Variants in BRSK2 observed in about 807,000 individuals in gnomAD.
BRSK2 encodes serine/threonine-protein kinase BRSK2.
A neutral mutation model predicts 83.3 loss-of-function variants in BRSK2; 19 were observed. The ratio of observed to expected loss-of-function variants is 0.23; its 90% CI spans 0.16 to 0.33. The LOEUF is 0.33. Among genes scored for constraint, BRSK2 ranks in the 10% least tolerant of loss-of-function variants. The pLI is 1.00. For synonymous variants in BRSK2, 519 were observed against 435.4 expected (o/e 1.19, Z -2.39); for missense variants, 798 against 1,042.3 (o/e 0.77, Z 3.23).
intron 12 of BRSK2, among the ~76,000 whole-genome samples, chr11:1,449,240 C>T (rs1845500879): frequency 1.3e-5 from 2 of 152,210 alleles, no homozygotes; most frequent in Non-Finnish European, 2.9e-5. Context: ...TCCCTGCCAG[C>T]AGCTGCCCCA....
intron 12 of BRSK2, 130 bp downstream of exon 12, chr11:1,446,037 ACTGGGCTTAGCTGGG>A (rs1852008066): frequency 2.9e-6 from 3 of 1,034,052 alleles, no homozygotes; most frequent in South Asian, 1.7e-5. Context: ...TATGGGCTAA[ACTGGGCTTAGCTGGG>A]CTGGGCTGGG....
rs968601854 is a variant in BRSK2, at chr11:1,459,045, C to A, written c.1940-147C>A. 9.1e-6 allele frequency: 6 copies of A among 659,040 alleles called. No individual in the cohort carries two copies. In the African/African-American group the frequency reaches 9.4e-5, roughly 10 times the overall value. 40.8% of individuals were successfully genotyped at this position (659,040 alleles called of 1,614,324 possible). ...TAAGCCCCGCCCCCTCTGGCTCTGG[C>A]CCCCCCAGTATTCCCCACCCATGCC... is the stretch of plus-strand genomic sequence containing the variant. On this transcript the variant is annotated intron_variant, in intron 18 of 19. Transcript: ENST00000528841.
At chr11:1,447,670 C>T (rs919001102) in intron 12 of BRSK2, 37 of 840,862 alleles carry the variant, frequency 4.4e-5, no homozygotes, top group Non-Finnish European at 6.9e-5. Flanking sequence ...CCTCCTCTCT[C>T]GCCATCTTTG....
At position 1,460,606 on chromosome 11, in the gene BRSK2, C is replaced by A; in HGVS notation, c.2094C>A (p.His698Gln). The change falls in exon 20 of 20, where the codon CAC becomes CAA. Residue 698 changes from histidine (H) to glutamine (Q), a missense_variant. Physicochemically the swap from His to Gln is conservative, Grantham distance 24 (BLOSUM62 0). This residue lies in a region of BRSK2 where 455 missense variants were observed against 455.2 expected (regional missense o/e 1.00). Transcript: ENST00000528841. Reference sequence around the variant, plus strand: ...GCACGCCCGCCAAGCGGAGTGCCCACGGCCCACTCGGTGACTCCGCGGCCG... The same window carrying A: ...GCACGCCCGCCAAGCGGAGTGCCCAAGGCCCACTCGGTGACTCCGCGGCCG... ...APSTPAKRSA[H>Q]GPLGDSAAAG... The A allele has an allele frequency of 6.5e-7, 1 of 1,532,188 alleles. No individual in the cohort carries two copies. The highest frequency in any genetic ancestry group is 8.7e-7 in the Non-Finnish European group (1 of 1,144,584). The allele number at this position is 1,532,188 out of a possible 1,614,324, so 94.9% of individuals were successfully genotyped here. A position where few individuals can be genotyped will look rare whatever the true frequency, so the allele number is the denominator to read the frequency against.
At position 1,459,175 on chromosome 11, in the gene BRSK2, T is replaced by A. The variant is rs2133296730; in HGVS notation, c.1940-17T>A. 1.2e-6 allele frequency: 2 copies of A among 1,613,028 alleles called. No homozygotes were observed. The highest frequency in any genetic ancestry group is 2.2e-5 in the East Asian group (1 of 44,850). ...TTTCACTCACTCCCTCCCTCCTCTC[T>A]CCATTCTGTACTCCAGACACCACTA... is the stretch of plus-strand genomic sequence containing the variant. On this transcript the variant is annotated splice_polypyrimidine_tract_variant and intron_variant, in intron 18 of 19. Transcript: ENST00000528841.
chr11:1,433,494 G>T (rs867000697), intron 1 of BRSK2, among the ~76,000 whole-genome samples: 3 of 152,348 alleles, frequency 2.0e-5, no homozygotes, highest in Middle Eastern at 6.8e-3. Flanking sequence ...GGTTTTTAGG[G>T]GCTCCATGCC....
At chr11:1,443,213 C>G in intron 6 of BRSK2, 74 bp downstream of exon 6, 3 of 1,520,016 alleles carry the variant, frequency 2.0e-6, no homozygotes, top group Non-Finnish European at 2.6e-6. Flanking sequence ...GGACCCCAGC[C>G]TGCCGCACCC....
At chr11:1,405,195 G>A (rs1311355790) in intron 1 of BRSK2, among the ~76,000 whole-genome samples, 2 of 152,088 alleles carry the variant, frequency 1.3e-5, no homozygotes. Flanking sequence ...CAGTGGGGCA[G>A]GGAATGTGGA....
At chr11:1,458,085 G>A (rs774429143) in intron 18 of BRSK2, among the ~76,000 whole-genome samples, 1 of 152,142 alleles carries the variant, frequency 6.6e-6, no homozygotes, top group Non-Finnish European at 1.5e-5. Flanking sequence ...GCCAGGGAAC[G>A]ACAGGGCAGC....
intron 12 of BRSK2, chr11:1,447,907 C>G: frequency 6.5e-7 from 1 of 1,545,466 alleles, no homozygotes; most frequent in Non-Finnish European, 8.8e-7. Flanking sequence ...CAGCCCCAGA[C>G]ACGCTGTCCT....
Position 1,423,738 on chromosome 11 carries a change from CCCG to C in BRSK2, c.92-12300_92-12298del, listed in dbSNP as rs1487353389. Among the ~76,000 whole-genome samples the C allele has an allele frequency of 1.2e-4, 17 of 147,124 alleles. No individual in the cohort carries two copies. The highest frequency in any genetic ancestry group is 2.1e-4 in the Non-Finnish European group (14 of 65,962). ...GGCGTTCCGGGTGCCCCAGGCCTCC[CCCG>C]CTGGGCGTTCCGGGTGCCCCAGGCC... On this transcript the variant is annotated intron_variant, in intron 1 of 19. Transcript: ENST00000528841. The surrounding 1 kb of genome is among the most constrained non-coding windows in gnomAD (Gnocchi z 6.5).
Position 1,454,221 on chromosome 11 carries a change from C to T in BRSK2, c.1545-264C>T, listed in dbSNP as rs1846190650. The T allele has an allele frequency of 1.2e-5, 4 of 323,180 alleles. No homozygotes were observed. The highest frequency in any genetic ancestry group is 7.4e-5 in the African/African-American group (3 of 40,370). 20.0% of individuals were successfully genotyped at this position (323,180 alleles called of 1,614,324 possible). ...CATCCCCAGACTTGGGAGTGGGTGG[C>T]ATATGGGCCAGGGTCAGGGCGTTAG... On this transcript the variant is annotated intron_variant, in intron 15 of 19. Coordinates refer to ENST00000528841, the MANE Select transcript of BRSK2 (RefSeq NM_001256627.2). The surrounding 1 kb of genome is among the most constrained non-coding windows in gnomAD (Gnocchi z 5.2).
intron 1 of BRSK2, among the ~76,000 whole-genome samples, chr11:1,401,815 C>T (rs1345365022): frequency 6.6e-6 from 1 of 152,252 alleles, no homozygotes; most frequent in Non-Finnish European, 1.5e-5. Context: ...TCTGCAGCTT[C>T]CTCCTCCCGC....
intron 13 of BRSK2, among the ~76,000 whole-genome samples, chr11:1,450,352 C>T (rs1041675331): frequency 1.8e-4 from 28 of 152,228 alleles, no homozygotes; most frequent in Non-Finnish European, 2.6e-4. Context: ...CTCTGCAGGC[C>T]GCCCTGCGGC....
chr11:1,394,528 C>T (rs1265008372), intron 1 of BRSK2, among the ~76,000 whole-genome samples: 1 of 59,452 alleles, frequency 1.7e-5, no homozygotes, highest in Non-Finnish European at 3.4e-5. Context: ...AGATGGGCCC[C>T]TGGAGATGGG....
At chr11:1,440,688 G>C in intron 3 of BRSK2, 100 bp from the exon 4 acceptor site, 1 of 1,447,026 alleles carries the variant, frequency 6.9e-7, no homozygotes, top group Non-Finnish European at 9.2e-7. Context: ...GGGGCGGCCT[G>C]CAGAGAGGCT....
chr11:1,417,312 C>T (rs1306091187), intron 1 of BRSK2, among the ~76,000 whole-genome samples: 1 of 152,230 alleles, frequency 6.6e-6, no homozygotes, highest in Non-Finnish European at 1.5e-5. Flanking sequence ...TGGTGCTTGT[C>T]AGGATAGTTT....
At position 1,462,497 on chromosome 11, in the gene BRSK2, C is replaced by T. The variant is rs759505016; in HGVS notation, c.*1774C>T. On this transcript the variant is annotated 3_prime_UTR_variant, in exon 20 of 20. Transcript: ENST00000528841. ...CTAGGACAGCAAACGCCAGGCGGTA[C>T]AGGCGGGAAGGGGCTCTCCACGGAG... 1 of 152,296 alleles carries T rather than the reference C, an allele frequency of 6.6e-6. No homozygotes were observed. The highest frequency in any genetic ancestry group is 2.4e-5 in the African/African-American group (1 of 41,468). The allele number at this position is 152,296 out of a possible 1,614,324, so 9.4% of individuals were successfully genotyped here.
chr11:1,396,221 C>CCCCGCTCCTCGTCT (rs1846088601), intron 1 of BRSK2, among the ~76,000 whole-genome samples: 18 of 93,918 alleles, frequency 1.9e-4, no homozygotes, highest in African/African-American at 9.2e-4. Context: ...ACTCCTGGTC[C>CCCCGCTCCTCGTCT]CTCTTCCCTT....
Sources: gnomAD v4.1 joint callset for allele counts (sites outside exome capture counted in the v4.1 genomes callset) on GRCh38, gnomAD v4.1.1 for gene constraint, gnomAD v4.1.1 regional missense constraint, Gnocchi (gnomAD v3.1) non-coding constraint, MANE v1.5 for transcripts, NCBI Gene and HGNC (gene_info 2026-07-23, HGNC 2026-07-21) for gene names.